VPS13D: variants seen among roughly 807,000 people sequenced by gnomAD.
The protein encoded by VPS13D is vacuolar protein sorting 13 homolog D, also known as intermembrane lipid transfer protein VPS13D.
In VPS13D, 187 loss-of-function variants were observed where a neutral mutation model predicts 461.9. The ratio of observed to expected loss-of-function variants is 0.40; its 90% CI spans 0.36 to 0.46. The LOEUF is 0.46. VPS13D is among the 20% of genes least tolerant of loss of function. The pLI is 0.60. For synonymous variants in VPS13D, 1,951 were observed against 1,986.3 expected (o/e 0.98, Z 0.47); for missense variants, 4,711 against 5,364.9 (o/e 0.88, Z 3.81).
chr1:12,426,997 A>C (rs996060406), intron 65 of VPS13D, among the ~76,000 whole-genome samples: 1 of 152,126 alleles, frequency 6.6e-6, no homozygotes, highest in African/African-American at 2.4e-5. Context: ...CTAGGCGACA[A>C]GAGTGAGTCT....
chr1:12,404,070 C>A (rs1323918890), intron 63 of VPS13D, 97 bp downstream of exon 63: 1 of 877,304 alleles, frequency 1.1e-6, no homozygotes, highest in Non-Finnish European at 1.5e-6. Context: ...TGTGTGTGTG[C>A]TTTTTTTTTT....
chr1:12,349,126 C>T (rs775482510), intron 45 of VPS13D, 38 bp from the exon 46 acceptor site: 1 of 1,612,276 alleles, frequency 6.2e-7, no homozygotes, highest in Non-Finnish European at 8.5e-7. Context: ...GGGTGGAGGA[C>T]CATTGCCTGA....
intron 43 of VPS13D, 88 bp downstream of exon 43, chr1:12,345,597 T>A (rs1450296519): frequency 6.7e-7 from 1 of 1,489,832 alleles, no homozygotes; most frequent in African/African-American, 1.4e-5. Flanking sequence ...TAATGAAACT[T>A]TCTTGTTCTT....
At chr1:12,259,972 T>C (rs900843429) in intron 10 of VPS13D, among the ~76,000 whole-genome samples, 1 of 150,986 alleles carries the variant, frequency 6.6e-6, no homozygotes, top group Non-Finnish European at 1.5e-5. Context: ...GGGTCAGTGC[T>C]GTCCAAAGTG....
chr1:12,356,666 A>G, intron 49 of VPS13D, 142 bp downstream of exon 49: 3 of 1,117,468 alleles, frequency 2.7e-6, no homozygotes, highest in Non-Finnish European at 3.6e-6. Context: ...CCATGACCTA[A>G]TGGGATTTTT....
chr1:12,313,771 T>C (rs575524424), intron 29 of VPS13D, among the ~76,000 whole-genome samples: 2 of 152,300 alleles, frequency 1.3e-5, no homozygotes, highest in East Asian at 3.9e-4. Flanking sequence ...GAGGGACCCT[T>C]GACATCCTTT....
chr1:12,468,623 A>G (rs766821294), intron 67 of VPS13D, among the ~76,000 whole-genome samples: 9 of 152,210 alleles, frequency 5.9e-5, no homozygotes, highest in Non-Finnish European at 1.2e-4. Context: ...TGATGTATTT[A>G]TCTGGTACTC....
intron 67 of VPS13D, chr1:12,464,924 A>G (rs1645461932): frequency 6.6e-6 from 1 of 152,202 alleles, no homozygotes. Context: ...TCCCAAGTAA[A>G]GTTTATGAAA....
intron 65 of VPS13D, 52 bp from the exon 66 acceptor site, chr1:12,455,945 TA>T: frequency 6.5e-7 from 1 of 1,546,490 alleles, no homozygotes. Context: ...ATTCAAATAG[TA>T]AAAATAGTGC....
In VPS13D at chr1:12,401,662, C is replaced by T; in HGVS notation, c.11839C>T (p.Leu3947Phe). The T allele has an allele frequency of 3.1e-6, 5 of 1,613,604 alleles. No individual in the cohort carries two copies. Among genetic ancestry groups the T allele is most frequent in the East Asian group, 4.5e-5 (2 of 44,866 alleles). ...AGTGCAAATTGAGGAGAAACTGCTC[C>T]TCAAGCTGCTAAGTTTCTTTGGCTA... ...FTVQIEEKLL[L>F]KLLSFFGYDQ... is the part of the protein sequence containing the mutation. The change falls in exon 62 of 70, where the codon CTC (leucine) becomes TTC (phenylalanine). Residue 3947 changes from leucine (L) to phenylalanine (F), a missense_variant. Leu to Phe is a conservative substitution (Grantham distance 22, BLOSUM62 0). This residue lies in a region of VPS13D where 4,411 missense variants were observed against 4,937.8 expected (regional missense o/e 0.89). Coordinates refer to ENST00000620676, the MANE Select transcript of VPS13D (RefSeq NM_015378.4).
intron 39 of VPS13D, chr1:12,336,774 T>G (rs529118995): frequency 1.3e-5 from 2 of 152,370 alleles, no homozygotes; most frequent in Non-Finnish European, 2.9e-5. Flanking sequence ...TCAAGGTCAT[T>G]ACTTAGGAGC....
At chr1:12,500,160 G>A (rs1002940260) in intron 68 of VPS13D, 25 of 984,976 alleles carry the variant, frequency 2.5e-5, no homozygotes, top group Non-Finnish European at 2.9e-5. Flanking sequence ...CCCAGATCGA[G>A]TTGCATTTAA....
intron 38 of VPS13D, among the ~76,000 whole-genome samples, chr1:12,334,457 A>G (rs1055540206): frequency 1.3e-5 from 2 of 152,258 alleles, no homozygotes; most frequent in Admixed American, 1.3e-4. Context: ...TGATGAGTAC[A>G]GTATATGTCT....
intron 63 of VPS13D, among the ~76,000 whole-genome samples, chr1:12,409,174 A>T (rs907451628): frequency 1.3e-5 from 2 of 151,086 alleles, no homozygotes; most frequent in Non-Finnish European, 3.0e-5. Context: ...TTTGAATCTA[A>T]TTTTTTTTTG....
chr1:12,375,196 A>C (rs1644181764), intron 55 of VPS13D, among the ~76,000 whole-genome samples: 1 of 152,132 alleles, frequency 6.6e-6, no homozygotes, highest in Admixed American at 6.5e-5. Context: ...CCATTCCTGG[A>C]ATTTGCCATT....
rs1645947025 is a variant in VPS13D, at chr1:12,495,651, T to C, written c.12663-1849T>C. On this transcript the variant is annotated intron_variant, in intron 67 of 69. Coordinates refer to ENST00000620676, the MANE Select transcript of VPS13D (RefSeq NM_015378.4). The surrounding 1 kb of genome is among the most constrained non-coding windows in gnomAD (Gnocchi z 4.0). ...GAATTTGAGCCTGCAGGCCTCCCAG[T>C]TGATTGGGGAAGATATGTTGAGACG... 6.6e-6 allele frequency among the ~76,000 whole-genome samples: 1 copy of C among 152,122 alleles called. No homozygotes were observed. The highest frequency in any genetic ancestry group is 1.5e-5 in the Non-Finnish European group (1 of 68,010).
At chr1:12,483,384 A>C (rs999229451) in intron 67 of VPS13D, among the ~76,000 whole-genome samples, 3 of 152,182 alleles carry the variant, frequency 2.0e-5, no homozygotes, top group African/African-American at 7.2e-5. Context: ...TTCGTGTTTC[A>C]GTTGGCCATT....
chr1:12,316,786 A>T (rs1305595141), intron 30 of VPS13D, among the ~76,000 whole-genome samples: 2 of 152,150 alleles, frequency 1.3e-5, no homozygotes, highest in Non-Finnish European at 2.9e-5. Context: ...TACGGAACCA[A>T]GTTCAACCCA....
At chr1:12,454,059 G>A (rs1645295824) in intron 65 of VPS13D, among the ~76,000 whole-genome samples, 1 of 152,166 alleles carries the variant, frequency 6.6e-6, no homozygotes, top group Non-Finnish European at 1.5e-5. Context: ...TGGACTAGTA[G>A]CAGAGTAATA....
Sources: allele counts gnomAD v4.1 joint callset (sites outside exome capture counted in the v4.1 genomes callset), GRCh38; gene constraint gnomAD v4.1.1; regional missense constraint gnomAD v4.1.1; non-coding constraint Gnocchi (gnomAD v3.1); transcripts MANE v1.5; gene names NCBI Gene and HGNC (gene_info 2026-07-23, HGNC 2026-07-21).